The following ZHX3 variants were observed in gnomAD, a reference collection of about 807,000 sequenced individuals.
ZHX3 encodes the protein zinc fingers and homeoboxes 3, also known as zinc fingers and homeoboxes protein 3.
A neutral mutation model predicts 64.5 loss-of-function variants in ZHX3; 20 were observed. That is an observed-to-expected ratio of 0.31 (90% CI 0.22 to 0.45). ZHX3 has a LOEUF of 0.45. Ranked by LOEUF, ZHX3 falls within the 20% of genes least tolerant of loss-of-function variation. ZHX3 has a pLI of 1.00. For synonymous variants in ZHX3, 423 were observed against 461.6 expected (o/e 0.92, Z 1.07); for missense variants, 1,041 against 1,195.8 (o/e 0.87, Z 1.91).
At chr20:41,301,281 T>C (rs183321701) in intron 1 of ZHX3, among the ~76,000 whole-genome samples, 55 of 152,260 alleles carry the variant, frequency 3.6e-4, no homozygotes, top group Admixed American at 9.2e-4. Context: ...CCACTACCCA[T>C]TCTCCATACA....
chr20:41,242,945 G>A (rs1291895284), intron 2 of ZHX3, among the ~76,000 whole-genome samples: 1 of 152,196 alleles, frequency 6.6e-6, no homozygotes, highest in Non-Finnish European at 1.5e-5. Flanking sequence ...CTAAAAAAAT[G>A]TAATACCACT....
rs2040421269 is a variant in ZHX3, at chr20:41,228,736, T to C, written c.-150-23670A>G. ...ATTTCAACACGTGAATTTTAGGAGA[T>C]ACATTCAGTCCACTGCACCATACAT... is the stretch of plus-strand genomic sequence containing the variant. On this transcript the variant is annotated intron_variant, in intron 2 of 3. Coordinates refer to ENST00000683867, the MANE Select transcript of ZHX3 (RefSeq NM_001384317.1). This position sits in a 1 kb window ranked among gnomAD's most constrained non-coding sequence, Gnocchi z 4.6. Among the ~76,000 whole-genome samples the C allele has an allele frequency of 1.3e-5, 2 of 152,228 alleles. No homozygotes were observed. The highest frequency in any genetic ancestry group is 4.1e-4 in the South Asian group (2 of 4,828).
At chr20:41,304,771 T>C (rs1243678741) in intron 1 of ZHX3, among the ~76,000 whole-genome samples, 1 of 152,220 alleles carries the variant, frequency 6.6e-6, no homozygotes, top group Admixed American at 6.5e-5. Flanking sequence ...AGGAGACAGG[T>C]ACTCTCCTCT....
At chr20:41,282,696 T>A (rs2043750682) in intron 1 of ZHX3, among the ~76,000 whole-genome samples, 1 of 152,130 alleles carries the variant, frequency 6.6e-6, no homozygotes, top group Non-Finnish European at 1.5e-5. Flanking sequence ...AAGTCCACCT[T>A]TAAATGGTGG....
chr20:41,208,065 T>A (rs1485239754), intron 2 of ZHX3, among the ~76,000 whole-genome samples: 1 of 152,138 alleles, frequency 6.6e-6, no homozygotes, highest in Non-Finnish European at 1.5e-5. Flanking sequence ...TATAAATACC[T>A]CTACGCAAAT....
chr20:41,183,559 T>C lies in ZHX3; in HGVS notation c.*1632A>G, dbSNP rs1319333703. On this transcript the variant is annotated 3_prime_UTR_variant, in exon 4 of 4. Coordinates refer to ENST00000683867, the MANE Select transcript of ZHX3 (RefSeq NM_001384317.1). This position sits in a 1 kb window ranked among gnomAD's most constrained non-coding sequence, Gnocchi z 5.3. ...GCCCTGCCAGGTCCAGTTCCCTGGGTAGGGGAGAAGGACGGTCCCTAAAAC... is the reference window on the plus strand; with the variant it reads ...GCCCTGCCAGGTCCAGTTCCCTGGGCAGGGGAGAAGGACGGTCCCTAAAAC... 1.3e-5 allele frequency: 2 copies of C among 152,258 alleles called. No individual in the cohort carries two copies. The highest frequency in any genetic ancestry group is 1.9e-4 in the East Asian group (1 of 5,202). The allele number at this position is 152,258 out of a possible 1,614,324, so 9.4% of individuals were successfully genotyped here.
intron 2 of ZHX3, chr20:41,239,624 C>T (rs897183263): frequency 2.0e-5 from 3 of 152,284 alleles, no homozygotes; most frequent in African/African-American, 7.2e-5. Context: ...AATCAAGATC[C>T]ATCCCTGGAG....
Position 41,291,644 on chromosome 20 carries a change from T to C in ZHX3, c.-244-22561A>G, listed in dbSNP as rs574432904. 6.6e-4 allele frequency among the ~76,000 whole-genome samples: 101 copies of C among 152,170 alleles called. 2 individuals are homozygous for C. In the South Asian group the frequency reaches 0.021, roughly 32 times the overall value. On this transcript the variant is annotated intron_variant, in intron 1 of 3. Coordinates refer to ENST00000683867, the MANE Select transcript of ZHX3 (RefSeq NM_001384317.1). ...GTGTGTATACGTATACACACATACA[T>C]GTATGACACACGTGTTTGTGTATGC...
rs545255246 is a variant in ZHX3 at position 41,289,951 on chromosome 20, T to C, written c.-244-20868A>G. Among the ~76,000 whole-genome samples the C allele has an allele frequency of 7.9e-4, 120 of 152,344 alleles. 2 individuals are homozygous for C. The highest frequency in any genetic ancestry group is 2.8e-3 in the African/African-American group (118 of 41,592). On this transcript the variant is annotated intron_variant, in intron 1 of 3. Coordinates refer to ENST00000683867, the MANE Select transcript of ZHX3 (RefSeq NM_001384317.1). Reference sequence around the variant, plus strand: ...AAGAAACCTAGAAACTAAAAACTAATAATAACGCCAAACATTGGGGCAACA... The same window carrying C: ...AAGAAACCTAGAAACTAAAAACTAACAATAACGCCAAACATTGGGGCAACA...
At chr20:41,244,259 G>A (rs572258566) in intron 2 of ZHX3, among the ~76,000 whole-genome samples, 7 of 152,238 alleles carry the variant, frequency 4.6e-5, no homozygotes, top group East Asian at 1.9e-4. Flanking sequence ...GGCTAAATGC[G>A]GAGGCTGGGG....
chr20:41,291,151 C>T (rs2044216900), intron 1 of ZHX3, among the ~76,000 whole-genome samples: 1 of 152,138 alleles, frequency 6.6e-6, no homozygotes, highest in African/African-American at 2.4e-5. Flanking sequence ...GACATTTTTC[C>T]CCACACGGAG....
chr20:41,185,901 T>C lies in ZHX3; in HGVS notation c.2861-700A>G, dbSNP rs2036479706. The C allele has an allele frequency of 1.3e-5, 2 of 152,226 alleles. No individual in the cohort carries two copies. Among genetic ancestry groups the C allele is most frequent in the African/African-American group, 2.4e-5 (1 of 41,448 alleles). The allele number at this position is 152,226 out of a possible 1,614,324, so 9.4% of individuals were successfully genotyped here. A position where few individuals can be genotyped will look rare whatever the true frequency, so the allele number is the denominator to read the frequency against. On this transcript the variant is annotated intron_variant, in intron 3 of 3. Coordinates refer to ENST00000683867, the MANE Select transcript of ZHX3 (RefSeq NM_001384317.1). This position sits in a 1 kb window ranked among gnomAD's most constrained non-coding sequence, Gnocchi z 5.0. ...CTGTCCCACAAAGGACAGCAACATG[T>C]CACTTTGTGTTGGATTTAGTAGCTG...
At chr20:41,239,302 C>G (rs1433322772) in intron 2 of ZHX3, among the ~76,000 whole-genome samples, 1 of 152,048 alleles carries the variant, frequency 6.6e-6, no homozygotes, top group Non-Finnish European at 1.5e-5. Context: ...AGCCACCGTG[C>G]CTGGCCAATA....
chr20:41,196,401 A>T (rs1444793137), intron 3 of ZHX3, among the ~76,000 whole-genome samples: 3 of 33,810 alleles, frequency 8.9e-5, no homozygotes, highest in Admixed American at 1.0e-3. Context: ...ATTTATATAT[A>T]TTATATATTA....
intron 2 of ZHX3, among the ~76,000 whole-genome samples, chr20:41,247,230 C>G (rs1179211155): frequency 6.6e-6 from 1 of 152,048 alleles, no homozygotes; most frequent in Non-Finnish European, 1.5e-5. Flanking sequence ...ATCATGCCAC[C>G]GCACTCCAGC....
At chr20:41,257,816 C>T (rs1600530417) in intron 2 of ZHX3, among the ~76,000 whole-genome samples, 2 of 145,278 alleles carry the variant, frequency 1.4e-5, no homozygotes, top group Admixed American at 1.4e-4. Context: ...TTTCACCATG[C>T]TAGCCAGGCT....
At chr20:41,244,558 C>T (rs1600486776) in intron 2 of ZHX3, among the ~76,000 whole-genome samples, 1 of 152,068 alleles carries the variant, frequency 6.6e-6, no homozygotes, top group Non-Finnish European at 1.5e-5. Flanking sequence ...AAATAAGATC[C>T]CATGATGAGG....
At chr20:41,237,405 C>A (rs2041079894) in intron 2 of ZHX3, among the ~76,000 whole-genome samples, 1 of 152,172 alleles carries the variant, frequency 6.6e-6, no homozygotes, top group African/African-American at 2.4e-5. Flanking sequence ...AAATGTGGCA[C>A]ATATACACCA....
chr20:41,179,033 T>G lies in ZHX3; in HGVS notation c.*6158A>C, dbSNP rs1410668499. 6.6e-6 allele frequency: 1 copy of G among 152,622 alleles called. No homozygotes were observed. The allele number at this position is 152,622 out of a possible 1,614,324, so 9.5% of individuals were successfully genotyped here. On this transcript the variant is annotated 3_prime_UTR_variant, in exon 4 of 4. Transcript: ENST00000683867. The surrounding 1 kb of genome is among the most constrained non-coding windows in gnomAD (Gnocchi z 4.3). ...CAAGGCTTTGTGCTGAAGACCAAAA[T>G]GCAAATGGGTGCTAGAAAACCAGGA...
Sources: gnomAD v4.1 joint callset for allele counts (sites outside exome capture counted in the v4.1 genomes callset) on GRCh38, gnomAD v4.1.1 for gene constraint, Gnocchi (gnomAD v3.1) non-coding constraint, MANE v1.5 for transcripts, NCBI Gene and HGNC (gene_info 2026-07-23, HGNC 2026-07-21) for gene names.